Variants in PLCL2 observed in about 807,000 individuals in gnomAD.
PLCL2 encodes inactive phospholipase C-like protein 2.
PLCL2 carries 4 observed loss-of-function variants against 79.6 expected under a neutral mutation model. The ratio of observed to expected loss-of-function variants is 0.05; its 90% CI spans 0.02 to 0.11. The LOEUF (loss-of-function observed/expected upper bound fraction) is 0.11. PLCL2 is among the 10% of genes least tolerant of loss of function. The pLI is 1.00. For missense variants in PLCL2, 895 were observed against 1,291.0 expected (o/e 0.69, Z 4.70); for synonymous variants, 484 against 457.7 (o/e 1.06, Z -0.73).
chr3:17,052,258 G>GC (rs1204704262), intron 4 of PLCL2, among the ~76,000 whole-genome samples: 4 of 148,216 alleles, frequency 2.7e-5, no homozygotes, highest in Non-Finnish European at 4.5e-5. Context: ...AAAAAATTGG[G>GC]GGGGGGTGAA....
chr3:16,991,222 T>G (rs1356522553), intron 1 of PLCL2, among the ~76,000 whole-genome samples: 4 of 152,184 alleles, frequency 2.6e-5, no homozygotes, highest in Non-Finnish European at 5.9e-5. Context: ...GAGGAGGAAC[T>G]GACCTGCCTG....
chr3:17,041,183 C>A (rs1022994576), intron 3 of PLCL2, among the ~76,000 whole-genome samples: 1 of 152,124 alleles, frequency 6.6e-6, no homozygotes. Flanking sequence ...CTGTTCAATA[C>A]GTCAAGCTGT....
chr3:16,983,100 A>G (rs2064016736), intron 1 of PLCL2, among the ~76,000 whole-genome samples: 1 of 152,252 alleles, frequency 6.6e-6, no homozygotes, highest in African/African-American at 2.4e-5. Flanking sequence ...AAATCCCACT[A>G]GGTCTAATTT....
chr3:17,030,306 CTAGAACA>C (rs1240788225), intron 3 of PLCL2, among the ~76,000 whole-genome samples: 1 of 152,090 alleles, frequency 6.6e-6, no homozygotes, highest in African/African-American at 2.4e-5. Context: ...TGTAAATAGC[CTAGAACA>C]TAATAAATAC....
At chr3:17,073,307 A>T (rs759514135) in intron 5 of PLCL2, among the ~76,000 whole-genome samples, 1 of 151,516 alleles carries the variant, frequency 6.6e-6, no homozygotes, top group Admixed American at 6.6e-5. Flanking sequence ...TTACACTATA[A>T]TGTAGTCTAT....
intron 4 of PLCL2, among the ~76,000 whole-genome samples, chr3:17,047,922 T>G (rs2124925621): frequency 6.6e-6 from 1 of 152,270 alleles, no homozygotes; most frequent in Admixed American, 6.5e-5. Context: ...TTTTTTTCTC[T>G]TACATTTGCT....
At chr3:17,008,821 T>C (rs2064290377) in intron 1 of PLCL2, among the ~76,000 whole-genome samples, 1 of 152,090 alleles carries the variant, frequency 6.6e-6, no homozygotes, top group Admixed American at 6.5e-5. Context: ...AATTGTTTCT[T>C]TCTTTCTATT....
intron 1 of PLCL2, among the ~76,000 whole-genome samples, chr3:16,973,392 T>G (rs1278227364): frequency 1.3e-5 from 2 of 151,098 alleles, no homozygotes; most frequent in African/African-American, 4.9e-5. Context: ...TTGGAGAATC[T>G]GATGACTGTG....
intron 1 of PLCL2, among the ~76,000 whole-genome samples, chr3:16,990,108 GGATGAC>G (rs1188523207): frequency 2.1e-5 from 3 of 146,332 alleles, no homozygotes; most frequent in Middle Eastern, 6.9e-3. Flanking sequence ...AGAATGATGA[GGATGAC>G]GATGACGATG....
intron 1 of PLCL2, among the ~76,000 whole-genome samples, chr3:16,981,833 T>C (rs892534100): frequency 3.3e-5 from 5 of 152,242 alleles, no homozygotes; most frequent in African/African-American, 1.2e-4. Flanking sequence ...GTATTGCCAT[T>C]TGTGACTTTT....
chr3:16,955,033 A>G (rs866561378), intron 1 of PLCL2, among the ~76,000 whole-genome samples: 7 of 152,320 alleles, frequency 4.6e-5, no homozygotes, highest in Middle Eastern at 6.8e-3. Flanking sequence ...TAGTTTAATT[A>G]GATCCCATTT....
At chr3:17,085,334 G>A (rs1312970092) in intron 5 of PLCL2, among the ~76,000 whole-genome samples, 2 of 151,952 alleles carry the variant, frequency 1.3e-5, no homozygotes, top group South Asian at 4.2e-4. Flanking sequence ...ATGGGGTTTC[G>A]CCAGGTTGCC....
intron 3 of PLCL2, among the ~76,000 whole-genome samples, chr3:17,041,483 A>G (rs1365102598): frequency 6.6e-6 from 1 of 152,202 alleles, no homozygotes; most frequent in Non-Finnish European, 1.5e-5. Flanking sequence ...CTATCTGACT[A>G]AGCTTAAGAA....
chr3:16,972,684 G>T (rs908729151), intron 1 of PLCL2, among the ~76,000 whole-genome samples: 4 of 152,044 alleles, frequency 2.6e-5, no homozygotes, highest in African/African-American at 4.8e-5. Flanking sequence ...CCTGTGTTGG[G>T]TGCATATATA....
intron 1 of PLCL2, among the ~76,000 whole-genome samples, chr3:16,947,509 C>A (rs1200346389): frequency 6.6e-6 from 1 of 152,152 alleles, no homozygotes; most frequent in African/African-American, 2.4e-5. Context: ...CACTTCCTAC[C>A]TGTTTGGTGT....
chr3:16,892,339 A>G (rs992228385), intron 1 of PLCL2, among the ~76,000 whole-genome samples: 1 of 152,208 alleles, frequency 6.6e-6, no homozygotes, highest in South Asian at 2.1e-4. Flanking sequence ...TGTGCCCTGA[A>G]ATAAGAATAG....
chr3:16,972,548 C>T (rs2063883242), intron 1 of PLCL2, among the ~76,000 whole-genome samples: 1 of 152,030 alleles, frequency 6.6e-6, no homozygotes, highest in South Asian at 2.1e-4. Context: ...TTGTTAGTTC[C>T]CTGCCTTGAT....
At chr3:16,917,083 G>A (rs963110998) in intron 1 of PLCL2, among the ~76,000 whole-genome samples, 1 of 152,122 alleles carries the variant, frequency 6.6e-6, no homozygotes, top group Non-Finnish European at 1.5e-5. Flanking sequence ...GCCTTTTCCT[G>A]GTACTTAGCC....
chr3:16,969,557 T>A (rs1350639118), intron 1 of PLCL2, among the ~76,000 whole-genome samples: 2 of 151,980 alleles, frequency 1.3e-5, no homozygotes, highest in Admixed American at 1.3e-4. Context: ...TCTGAGGGGT[T>A]TTTTGTATTT....
Sources: allele counts gnomAD v4.1 joint callset (sites outside exome capture counted in the v4.1 genomes callset), GRCh38; gene constraint gnomAD v4.1.1; transcripts MANE v1.5; gene names NCBI Gene and HGNC (gene_info 2026-07-23, HGNC 2026-07-21).